SPHKAP: variants seen among roughly 807,000 people sequenced by gnomAD.
SPHKAP encodes the protein A-kinase anchor protein SPHKAP.
In SPHKAP, 67 loss-of-function variants were observed where a neutral mutation model predicts 137.5. That is an observed-to-expected ratio of 0.49 (90% CI 0.40 to 0.60). SPHKAP has a LOEUF of 0.60. SPHKAP is among the 20% of genes least tolerant of loss of function. SPHKAP has a pLI of 0.00. For missense variants in SPHKAP, 2,097 were observed against 2,069.3 expected (o/e 1.01, Z -0.26); for synonymous variants, 813 against 785.3 (o/e 1.04, Z -0.59).
At chr2:228,146,159 C>T (rs147440775) in intron 1 of SPHKAP, among the ~76,000 whole-genome samples, 68 of 152,120 alleles carry the variant, frequency 4.5e-4, no homozygotes, top group African/African-American at 1.5e-3. Context: ...CAGAGAGTTC[C>T]CATGTACCCC....
At position 228,017,419 on chromosome 2, in the gene SPHKAP, C is replaced by T; in HGVS notation, c.3435G>A (p.Glu1145=). 1.2e-6 allele frequency: 2 copies of T among 1,614,090 alleles called. No homozygotes were observed. The highest frequency in any genetic ancestry group is 1.7e-6 in the Non-Finnish European group (2 of 1,180,028). ...TGCCAGCATAGTAATCCAGCAGTAA[C>T]TCAAATCCTCTCCCTTCATTTTCCA... ...NQMENEGRGF[E]LLLDYYAGKN... Residue 1145 remains glutamate, a synonymous_variant, in exon 7 of 12, where the codon GAG becomes GAA. Transcript: ENST00000392056.
intron 6 of SPHKAP, among the ~76,000 whole-genome samples, 187 bp downstream of exon 6, chr2:228,021,524 G>A (rs960685376): frequency 6.6e-6 from 1 of 152,108 alleles, no homozygotes; most frequent in African/African-American, 2.4e-5. Context: ...CATTAAGTCC[G>A]CTAAGTGAGT....
At chr2:228,158,197 C>T (rs1163151482) in intron 1 of SPHKAP, among the ~76,000 whole-genome samples, 2 of 152,290 alleles carry the variant, frequency 1.3e-5, no homozygotes, top group African/African-American at 4.8e-5. Context: ...ATTCAAGCAA[C>T]TCTAATTTAC....
At chr2:228,070,580 G>T (rs1189813015) in intron 3 of SPHKAP, among the ~76,000 whole-genome samples, 3 of 152,084 alleles carry the variant, frequency 2.0e-5, no homozygotes. Context: ...GAACTCTCCT[G>T]CCACACTGTC....
At chr2:228,037,050 G>C (rs1293614285) in intron 3 of SPHKAP, among the ~76,000 whole-genome samples, 2 of 151,680 alleles carry the variant, frequency 1.3e-5, no homozygotes, top group African/African-American at 4.8e-5. Flanking sequence ...TAAATAAATA[G>C]ATAAAATATT....
At chr2:228,053,582 T>A (rs1258711941) in intron 3 of SPHKAP, among the ~76,000 whole-genome samples, 1 of 152,160 alleles carries the variant, frequency 6.6e-6, no homozygotes, top group Non-Finnish European at 1.5e-5. Context: ...TAATTTCCCC[T>A]ACCTTTCTCT....
chr2:228,163,964 G>A (rs576109673), intron 1 of SPHKAP, among the ~76,000 whole-genome samples: 1 of 152,254 alleles, frequency 6.6e-6, no homozygotes, highest in African/African-American at 2.4e-5. Flanking sequence ...GGGTGTGCCT[G>A]TGAGGGTGTT....
intron 7 of SPHKAP, among the ~76,000 whole-genome samples, chr2:228,001,364 TAC>T (rs1209795605): frequency 1.4e-5 from 2 of 143,418 alleles, no homozygotes; most frequent in Admixed American, 7.2e-5. Context: ...TATAAATATA[TAC>T]ACACATAAAT....
In SPHKAP at chr2:228,019,230, G is replaced by C; in HGVS notation, c.1624C>G (p.Gln542Glu). 1 of 1,613,862 alleles carries C rather than the reference G, an allele frequency of 6.2e-7. No individual in the cohort carries two copies. The highest frequency in any genetic ancestry group is 8.5e-7 in the Non-Finnish European group (1 of 1,180,040). ...TTGATGGAAGGTTCCTTGAGTCCTTGGGGTGCTTGAGTTTGCAGTGCACCA... is the reference window on the plus strand; with the variant it reads ...TTGATGGAAGGTTCCTTGAGTCCTTCGGGTGCTTGAGTTTGCAGTGCACCA... ...SSGALQTQAP[Q>E]GLKEPSINEY... Residue 542 changes from glutamine (Q) to glutamate (E), a missense_variant, in exon 7 of 12, where the codon CAA becomes GAA. By Grantham distance (29) the Gln-to-Glu change is conservative. Coordinates refer to ENST00000392056, the MANE Select transcript of SPHKAP (RefSeq NM_001142644.2).
intron 1 of SPHKAP, among the ~76,000 whole-genome samples, chr2:228,158,363 T>C (rs1700174377): frequency 6.7e-6 from 1 of 150,360 alleles, no homozygotes; most frequent in Non-Finnish European, 1.5e-5. Flanking sequence ...TATGTGATTT[T>C]ACCCCTTACA....
chr2:228,096,838 G>A (rs1028160798), intron 3 of SPHKAP, among the ~76,000 whole-genome samples: 2 of 152,076 alleles, frequency 1.3e-5, no homozygotes, highest in Non-Finnish European at 2.9e-5. Context: ...AACCACTAGA[G>A]TGAGCTTGTC....
intron 3 of SPHKAP, among the ~76,000 whole-genome samples, chr2:228,090,330 G>A (rs1288008351): frequency 6.6e-6 from 1 of 152,144 alleles, no homozygotes; most frequent in Non-Finnish European, 1.5e-5. Context: ...TTTTGGCGTA[G>A]GAATGTTTAC....
chr2:228,150,031 T>A (rs1169231833), intron 1 of SPHKAP, among the ~76,000 whole-genome samples: 1 of 152,180 alleles, frequency 6.6e-6, no homozygotes, highest in Non-Finnish European at 1.5e-5. Context: ...TTGCTACAGG[T>A]TTCTGTAGAT....
At chr2:228,030,513 C>CAAAAAAAAAA (rs11287311) in intron 3 of SPHKAP, among the ~76,000 whole-genome samples, 76 of 48,596 alleles carry the variant, frequency 1.6e-3, no homozygotes, top group East Asian at 2.6e-3. Context: ...GATACCATCT[C>CAAAAAAAAAA]AAAAAAAAAA....
chr2:228,173,817 C>G (rs1700657005), intron 1 of SPHKAP, among the ~76,000 whole-genome samples: 2 of 152,102 alleles, frequency 1.3e-5, no homozygotes, highest in African/African-American at 4.8e-5. Context: ...CAATACGATG[C>G]CTTTATGTTT....
Position 228,017,845 on chromosome 2 carries a change from G to C in SPHKAP, c.3009C>G (p.Ile1003Met). 6.2e-7 allele frequency: 1 copy of C among 1,614,040 alleles called. No individual in the cohort carries two copies. Reference sequence around the variant, plus strand: ...CAGGGTGCTCGTCCGTCTTCCTCTTGATCTCACTGAGCCGGGGAGGCTTGT... The same window carrying C: ...CAGGGTGCTCGTCCGTCTTCCTCTTCATCTCACTGAGCCGGGGAGGCTTGT... The part of the protein sequence containing the change: ...RKHKPPRLSE[I>M]KRKTDEHPEL... Residue 1003 changes from isoleucine to methionine, a missense_variant, in exon 7 of 12, where the codon ATC (isoleucine) becomes ATG (methionine). By Grantham distance (10) the Ile-to-Met change is conservative. Transcript: ENST00000392056.
chr2:228,153,091 T>C (rs918961294), intron 1 of SPHKAP, among the ~76,000 whole-genome samples: 1 of 152,170 alleles, frequency 6.6e-6, no homozygotes, highest in Admixed American at 6.6e-5. Context: ...TCTTCCACCA[T>C]GATTGTGAGG....
rs59745287 is a variant in SPHKAP, at chr2:228,096,630, CTGTGTGTGTGTG to C, written c.246+12190_246+12201del. ...CAAACCCATGTTGTTCAGGGGTCAA[CTGTGTGTGTGTG>C]TGTGTGTGTGTGTGTGTGTGTGTGT... On this transcript the variant is annotated intron_variant, in intron 3 of 11. Coordinates refer to ENST00000392056, the MANE Select transcript of SPHKAP (RefSeq NM_001142644.2). Among the ~76,000 whole-genome samples the C allele has an allele frequency of 1.6e-3, 234 of 148,872 alleles. 1 individual carries two copies. Among genetic ancestry groups the C allele is most frequent in the South Asian group, 4.8e-3 (22 of 4,630 alleles).
At chr2:228,147,858 A>T (rs1699821053) in intron 1 of SPHKAP, among the ~76,000 whole-genome samples, 2 of 152,176 alleles carry the variant, frequency 1.3e-5, no homozygotes, top group Non-Finnish European at 2.9e-5. Context: ...TTCTAAGGAG[A>T]CTGAGACTCA....
Sources: allele counts gnomAD v4.1 joint callset (sites outside exome capture counted in the v4.1 genomes callset), GRCh38; gene constraint gnomAD v4.1.1; transcripts MANE v1.5; gene names NCBI Gene and HGNC (gene_info 2026-07-23, HGNC 2026-07-21).